CUBN: variants seen among roughly 807,000 people sequenced by gnomAD.
CUBN encodes 460 kDa receptor.
A neutral mutation model predicts 405.3 loss-of-function variants in CUBN; 282 were observed. The observed-to-expected ratio is 0.70, with a 90% CI of 0.63 to 0.77. The LOEUF is 0.77. Ranked by LOEUF, CUBN falls within the 30% of genes least tolerant of loss-of-function variation. The probability of loss-of-function intolerance (pLI) is 0.00; values close to 1 mark genes in which losing one functional copy is unlikely to be tolerated. For missense variants in CUBN, 4,514 were observed against 4,475.2 expected (o/e 1.01, Z -0.25); for synonymous variants, 1,684 against 1,617.0 (o/e 1.04, Z -0.99).
chr10:16,873,934 A>C (rs1476741818), intron 58 of CUBN, among the ~76,000 whole-genome samples: 3 of 152,076 alleles, frequency 2.0e-5, no homozygotes, highest in African/African-American at 7.2e-5. Flanking sequence ...CCCAATCTAG[A>C]ATCTATATAT....
At chr10:16,993,395 A>G (rs3012478) in intron 28 of CUBN, among the ~76,000 whole-genome samples, 143,037 of 152,236 alleles carry the variant, frequency 0.94, 67,430 homozygotes, top group Non-Finnish European at 0.96. Context: ...ATTGTTTTAC[A>G]TTTCCTTGTG....
chr10:16,904,378 C>T (rs1841497361), intron 50 of CUBN, among the ~76,000 whole-genome samples: 2 of 152,174 alleles, frequency 1.3e-5, no homozygotes, highest in Admixed American at 1.3e-4. Context: ...TTTGTGTTTT[C>T]ATAGTTATTT....
chr10:16,923,228 A>G (rs1810205), intron 43 of CUBN, among the ~76,000 whole-genome samples: 70,323 of 151,780 alleles, frequency 0.46, 17,078 homozygotes, highest in African/African-American at 0.61. Flanking sequence ...GCATGATGTG[A>G]AACACCTTGT....
chr10:16,898,983 C>T lies in CUBN; in HGVS notation c.8598+13G>A. 1 of 1,583,650 alleles carries T rather than the reference C, an allele frequency of 6.3e-7. No individual in the cohort carries two copies. The highest frequency in any genetic ancestry group is 8.7e-7 in the Non-Finnish European group (1 of 1,152,202). On this transcript the variant is annotated intron_variant, in intron 54 of 66. Transcript: ENST00000377833. ...ACCAACTTGGCTCCAATTAAATGAA[C>T]AAGTGTACTAACCTTCACGAAGCTA... is the stretch of plus-strand genomic sequence containing the variant.
Position 16,901,413 on chromosome 10 carries a change from G to A in CUBN, c.8109C>T (p.Pro2703=), listed in dbSNP as rs753055281. ...QIGDSGVITS[P]NYPNAYDSLT... ...GGCTGTCATAAGCATTTGGATAGTT[G>A]GGGCTTGTGATCACTCCACTGTCAC... is the stretch of plus-strand genomic sequence containing the variant. The change falls in exon 52 of 67, where the codon CCC becomes CCT. Residue 2703 remains proline (P), a synonymous_variant. Transcript: ENST00000377833. The A allele has an allele frequency of 3.5e-5, 57 of 1,613,938 alleles. 1 individual carries two copies. Among genetic ancestry groups the A allele is most frequent in the South Asian group, 1.2e-4 (11 of 91,084 alleles).
rs1317809008 is a variant in CUBN at position 16,885,288 on chromosome 10, A to T, written c.8905+3129T>A. On this transcript the variant is annotated intron_variant, in intron 56 of 66. Transcript: ENST00000377833. ...AGCAGTTTGAAAATGCTGAACACTT[A>T]AACACTGGAAATGTCACAAGGCATT... is the stretch of plus-strand genomic sequence containing the variant. Among the ~76,000 whole-genome samples, 3 of 152,332 alleles carry T rather than the reference A, an allele frequency of 2.0e-5. No homozygotes were observed. The East Asian group carries it at 5.8e-4, about 29-fold the overall frequency.
intron 48 of CUBN, among the ~76,000 whole-genome samples, chr10:16,911,081 T>C (rs1430382632): frequency 7.2e-5 from 11 of 152,174 alleles, no homozygotes; most frequent in Non-Finnish European, 1.3e-4. Flanking sequence ...CAAGGAAGGA[T>C]ATTACTGAGG....
At chr10:16,878,643 AT>A (rs1428951391) in intron 56 of CUBN, among the ~76,000 whole-genome samples, 7 of 152,192 alleles carry the variant, frequency 4.6e-5, no homozygotes, top group African/African-American at 1.7e-4. Flanking sequence ...GGCATCTGAC[AT>A]TCTTCCCAAT....
At chr10:16,987,542 C>A (rs564334970) in intron 29 of CUBN, among the ~76,000 whole-genome samples, 1 of 152,284 alleles carries the variant, frequency 6.6e-6, no homozygotes, top group South Asian at 2.1e-4. Context: ...ACTTTCCGGA[C>A]TCTGATTTTT....
intron 17 of CUBN, among the ~76,000 whole-genome samples, chr10:17,072,198 T>C (rs1170904922): frequency 6.6e-6 from 1 of 151,994 alleles, no homozygotes; most frequent in Non-Finnish European, 1.5e-5. Flanking sequence ...GCACAAGAAT[T>C]TAAAGAATGT....
At chr10:17,041,874 C>G (rs571540683) in intron 26 of CUBN, among the ~76,000 whole-genome samples, 171 of 152,292 alleles carry the variant, frequency 1.1e-3, no homozygotes, top group Non-Finnish European at 2.0e-3. Flanking sequence ...AGTCTTCAAT[C>G]CAATGGTGGC....
intron 54 of CUBN, among the ~76,000 whole-genome samples, chr10:16,893,934 G>A (rs1403567665): frequency 6.6e-6 from 1 of 152,166 alleles, no homozygotes; most frequent in African/African-American, 2.4e-5. Context: ...TCGAATAGGT[G>A]TGTAGTGATA....
chr10:17,078,735 T>C (rs1835906597), intron 17 of CUBN, among the ~76,000 whole-genome samples: 1 of 152,194 alleles, frequency 6.6e-6, no homozygotes, highest in African/African-American at 2.4e-5. Flanking sequence ...AAGCTGTGGC[T>C]TACAGGTATC....
intron 10 of CUBN, 86 bp from the exon 11 acceptor site, chr10:17,105,661 A>C: frequency 1.3e-6 from 1 of 764,974 alleles, no homozygotes; most frequent in Non-Finnish European, 2.3e-6. Context: ...TGCTGTCTAG[A>C]CAAGGATCCA....
In CUBN at chr10:16,926,314, G is replaced by A. The variant is rs144186750; in HGVS notation, c.6272-540C>T. Among the ~76,000 whole-genome samples, 1,030 of 152,276 alleles carry A rather than the reference G, an allele frequency of 6.8e-3. 17 individuals are homozygous for A. Among genetic ancestry groups the A allele is most frequent in the African/African-American group, 0.023 (940 of 41,556 alleles). ...AGTCAGAATGGATGAGGCAGAATGA[G>A]AGATTCCAAAGGTAGCATGGCTAGG... On this transcript the variant is annotated intron_variant, in intron 41 of 66. Transcript: ENST00000377833.
chr10:17,045,412 T>G (rs887357775), intron 24 of CUBN, among the ~76,000 whole-genome samples: 17 of 150,762 alleles, frequency 1.1e-4, no homozygotes, highest in Admixed American at 2.0e-4. Context: ...CAGGCTGGAA[T>G]GCAACGGCAT....
chr10:17,013,677 A>T (rs1834249261), intron 28 of CUBN, among the ~76,000 whole-genome samples: 1 of 152,226 alleles, frequency 6.6e-6, no homozygotes, highest in African/African-American at 2.4e-5. Context: ...GGATTAGATA[A>T]GCATACTTGC....
At chr10:16,982,823 G>A (rs550197183) in intron 30 of CUBN, among the ~76,000 whole-genome samples, 170 bp from the exon 31 acceptor site, 1 of 152,316 alleles carries the variant, frequency 6.6e-6, no homozygotes, top group East Asian at 1.9e-4. Context: ...AACAGAATAA[G>A]AAGGGATGAC....
At position 16,901,395 on chromosome 10, in the gene CUBN, A is replaced by C; in HGVS notation, c.8127T>G (p.Tyr2709Ter). Residue 2709 changes from tyrosine (Y) to a stop codon, truncating the protein, a stop_gained, in exon 52 of 67, where the codon TAT becomes TAG. Coordinates refer to ENST00000377833, the MANE Select transcript of CUBN (RefSeq NM_001081.4). LOFTEE classifies it high-confidence loss of function. ...VITSPNYPNAYDSLTHCSSLL... is the reference protein window; with the variant it reads ...VITSPNYPNA ...GCGAAGAGCAGTGGGTCAGGCTGTC[A>C]TAAGCATTTGGATAGTTGGGGCTTG... 6.2e-7 allele frequency: 1 copy of C among 1,614,158 alleles called. No homozygotes were observed.
Sources: allele counts gnomAD v4.1 joint callset (sites outside exome capture counted in the v4.1 genomes callset), GRCh38; gene constraint gnomAD v4.1.1; transcripts MANE v1.5; gene names NCBI Gene and HGNC (gene_info 2026-07-23, HGNC 2026-07-21).